GNG7: variants seen among roughly 807,000 people sequenced by gnomAD.
GNG7 encodes the protein G protein subunit gamma 7, also known as guanine nucleotide-binding protein G(I)/G(S)/G(O) subunit gamma-7.
GNG7 carries 1 observed loss-of-function variant against 4.0 expected under a neutral mutation model. The ratio of observed to expected loss-of-function variants is 0.25; its 90% CI spans 0.09 to 1.18. GNG7 has a LOEUF of 1.18. Ranked by LOEUF, GNG7 falls within the 50% of genes most tolerant of loss-of-function variation. The pLI is 0.50. For missense variants in GNG7, 86 were observed against 91.9 expected (o/e 0.94, Z 0.26); for synonymous variants, 34 against 36.9 (o/e 0.92, Z 0.29).
intron 1 of GNG7, among the ~76,000 whole-genome samples, chr19:2,683,973 G>T (rs1259701703): frequency 6.6e-6 from 1 of 152,118 alleles, no homozygotes; most frequent in Non-Finnish European, 1.5e-5. Context: ...GACGTCAAAT[G>T]GACAAAAATC....
At chr19:2,674,443 TG>T (rs1264025320) in intron 1 of GNG7, among the ~76,000 whole-genome samples, 2 of 125,170 alleles carry the variant, frequency 1.6e-5, no homozygotes, top group African/African-American at 3.4e-5. Context: ...GTTTTTGTTT[TG>T]TTTTTTTTTG....
chr19:2,597,079 C>T (rs117569416), intron 2 of GNG7, among the ~76,000 whole-genome samples: 3,171 of 151,952 alleles, frequency 0.021, 57 homozygotes, highest in Non-Finnish European at 0.029. Flanking sequence ...GACAACATAG[C>T]AAGACCCAAT....
At chr19:2,675,487 C>G (rs749377675) in intron 1 of GNG7, among the ~76,000 whole-genome samples, 1 of 151,998 alleles carries the variant, frequency 6.6e-6, no homozygotes, top group Non-Finnish European at 1.5e-5. Flanking sequence ...AAGCAGGGAG[C>G]GTTATTTAGC....
chr19:2,645,758 T>C (rs1005558802), intron 2 of GNG7, among the ~76,000 whole-genome samples: 2 of 152,142 alleles, frequency 1.3e-5, no homozygotes, highest in Non-Finnish European at 2.9e-5. Flanking sequence ...TATTTTTAAA[T>C]GGTTTCCTCT....
intron 3 of GNG7, among the ~76,000 whole-genome samples, chr19:2,536,415 T>C (rs1477390381): frequency 1.4e-5 from 2 of 147,120 alleles, no homozygotes; most frequent in African/African-American, 2.6e-5. Flanking sequence ...CGAAACTCCA[T>C]CTCAAAAAAA....
chr19:2,696,237 G>C (rs528303836), intron 1 of GNG7, among the ~76,000 whole-genome samples: 5 of 143,066 alleles, frequency 3.5e-5, no homozygotes, highest in Non-Finnish European at 7.6e-5. Context: ...AGAGGAGAGA[G>C]AGAAAGAAAA....
At chr19:2,526,160 C>G (rs1278850626) in intron 3 of GNG7, among the ~76,000 whole-genome samples, 1 of 151,762 alleles carries the variant, frequency 6.6e-6, no homozygotes, top group African/African-American at 2.4e-5. Flanking sequence ...TTAGTAGATA[C>G]GGGGTTTCAC....
chr19:2,625,569 G>T (rs1024390365), intron 2 of GNG7, among the ~76,000 whole-genome samples: 2 of 152,074 alleles, frequency 1.3e-5, no homozygotes, highest in African/African-American at 2.4e-5. Flanking sequence ...GAGAACCAAG[G>T]TTCTGCCACC....
intron 1 of GNG7, among the ~76,000 whole-genome samples, chr19:2,671,169 G>A (rs530641010): frequency 6.6e-6 from 1 of 152,200 alleles, no homozygotes; most frequent in South Asian, 2.1e-4. Flanking sequence ...CCCAGTCCAT[G>A]CCAGGAGCTG....
At chr19:2,692,967 C>T (rs1347300325) in intron 1 of GNG7, among the ~76,000 whole-genome samples, 4 of 151,700 alleles carry the variant, frequency 2.6e-5, no homozygotes, top group Non-Finnish European at 2.9e-5. Context: ...GCCTGGGTAA[C>T]GGAGTAAGCC....
intron 2 of GNG7, among the ~76,000 whole-genome samples, chr19:2,608,541 CTCTCGAGTCA>C (rs1568261536): frequency 6.6e-6 from 1 of 152,234 alleles, no homozygotes; most frequent in Non-Finnish European, 1.5e-5. Flanking sequence ...ACACCTGTGC[CTCTCGAGTCA>C]TCTGCAGAGT....
intron 1 of GNG7, among the ~76,000 whole-genome samples, chr19:2,657,399 T>TATATACACAC (rs1332253018): frequency 1.1e-4 from 9 of 80,728 alleles, no homozygotes; most frequent in Non-Finnish European, 1.9e-4. Context: ...TATATATATA[T>TATATACACAC]ACACATAATA....
At chr19:2,518,986 T>C (rs1974579) in intron 4 of GNG7, among the ~76,000 whole-genome samples, 138,774 of 151,474 alleles carry the variant, frequency 0.92, 63,779 homozygotes, top group East Asian at 1. Context: ...TTAGTAGAGA[T>C]GGGGTTTCAC....
chr19:2,604,666 G>T lies in GNG7; in HGVS notation c.-78+41558C>A, dbSNP rs546783293. 5.7e-5 allele frequency among the ~76,000 whole-genome samples: 7 copies of T among 123,544 alleles called. No homozygotes were observed. The East Asian group carries it at 1.9e-3, about 34-fold the overall frequency. 81.0% of individuals were successfully genotyped at this position (123,544 alleles called of 152,430 possible). On this transcript the variant is annotated intron_variant, in intron 2 of 4. Transcript: ENST00000382159. ...AAAAAAAAAAAAAAAAGAATGAATG[G>T]AAGGAAGGAAGGAAGGGAGGGAGTG...
intron 1 of GNG7, among the ~76,000 whole-genome samples, chr19:2,648,898 GT>G (rs923797304): frequency 6.7e-6 from 1 of 148,750 alleles, no homozygotes; most frequent in Admixed American, 6.7e-5. Context: ...TTTGTTTTTT[GT>G]TTTTTTTGAG....
At position 2,633,003 on chromosome 19, in the gene GNG7, TAA is replaced by T. The variant is rs1329443712; in HGVS notation, c.-78+13219_-78+13220del. Among the ~76,000 whole-genome samples, 5 of 152,098 alleles carry T rather than the reference TAA, an allele frequency of 3.3e-5. No individual in the cohort carries two copies. Among genetic ancestry groups the T allele is most frequent in the Admixed American group, 3.3e-4 (5 of 15,270 alleles). On this transcript the variant is annotated intron_variant, in intron 2 of 4. Coordinates refer to ENST00000382159, the MANE Select transcript of GNG7 (RefSeq NM_052847.3). This position sits in a 1 kb window ranked among gnomAD's most constrained non-coding sequence, Gnocchi z 5.9. ...ACAGGGGGCCCCTCTACCAGGCCCC[TAA>T]CTTCTCAACAGACCCCACCTTGGGC...
intron 2 of GNG7, chr19:2,642,965 C>T (rs1207274588): frequency 9.2e-6 from 4 of 433,506 alleles, no homozygotes; most frequent in Non-Finnish European, 1.8e-5. Flanking sequence ...GCCCTGCCGT[C>T]GGCACCCGAA....
rs57101652 is a variant in GNG7 at position 2,558,250 on chromosome 19, G to GTTT, written c.-77-3065_-77-3063dup. On this transcript the variant is annotated intron_variant, in intron 2 of 4. Coordinates refer to ENST00000382159, the MANE Select transcript of GNG7 (RefSeq NM_052847.3). ...ACCGTGTTTTTTTGTTTTTGTTTTTGTTTTTTTTTTGAGATAGGGTCTGTT... is the reference window on the plus strand; with the variant it reads ...ACCGTGTTTTTTTGTTTTTGTTTTTGTTTTTTTTTTTTTGAGATAGGGTCTGTT... Among the ~76,000 whole-genome samples, 481 of 145,812 alleles carry GTTT rather than the reference G, an allele frequency of 3.3e-3. 1 individual carries two copies. The highest frequency in any genetic ancestry group is 8.5e-3 in the African/African-American group (339 of 39,728).
intron 1 of GNG7, among the ~76,000 whole-genome samples, chr19:2,659,252 A>T: frequency 6.9e-6 from 1 of 145,570 alleles, no homozygotes; most frequent in East Asian, 2.4e-4. Context: ...GACAGACGTG[A>T]GCCACTGCGC....
Sources: gnomAD v4.1 joint callset for allele counts (sites outside exome capture counted in the v4.1 genomes callset) on GRCh38, gnomAD v4.1.1 for gene constraint, Gnocchi (gnomAD v3.1) non-coding constraint, MANE v1.5 for transcripts, NCBI Gene and HGNC (gene_info 2026-07-23, HGNC 2026-07-21) for gene names.